Variants in TOP1 observed in about 807,000 individuals in gnomAD.
TOP1 encodes DNA topoisomerase 1.
In TOP1, 10 loss-of-function variants were observed where a neutral mutation model predicts 111.1. The observed-to-expected ratio is 0.09, with a 90% CI of 0.06 to 0.15. The LOEUF (loss-of-function observed/expected upper bound fraction) is 0.15. TOP1 is among the 10% of genes least tolerant of loss of function. TOP1 has a pLI of 1.00. For missense variants in TOP1, 474 were observed against 926.7 expected (o/e 0.51, Z 6.34); for synonymous variants, 271 against 302.9 (o/e 0.89, Z 1.10).
chr20:41,115,479 C>G lies in TOP1; in HGVS notation c.1707+40C>G, dbSNP rs1158905873. 6.7e-7 allele frequency: 1 copy of G among 1,503,056 alleles called. No homozygotes were observed. 93.1% of individuals were successfully genotyped at this position (1,503,056 alleles called of 1,614,324 possible). The stretch of plus-strand genomic sequence containing the variant: ...CACACAATGTTGAAGGGAGTCCCAG[C>G]CAGAGCCTCACAGTACCTAAAGGGG... On this transcript the variant is annotated intron_variant, in intron 16 of 20. Transcript: ENST00000361337. The surrounding 1 kb of genome is among the most constrained non-coding windows in gnomAD (Gnocchi z 6.3).
intron 2 of TOP1, among the ~76,000 whole-genome samples, chr20:41,033,915 A>G (rs2033152687): frequency 6.6e-6 from 1 of 152,160 alleles, no homozygotes; most frequent in South Asian, 2.1e-4. Flanking sequence ...ATGAATTCAA[A>G]TGTAATTAGT....
intron 2 of TOP1, among the ~76,000 whole-genome samples, chr20:41,059,281 C>T (rs982290506): frequency 3.2e-4 from 48 of 151,454 alleles, no homozygotes; most frequent in African/African-American, 1.1e-3. Flanking sequence ...CACGAGTTTA[C>T]CTATATAACA....
At chr20:41,051,243 A>G (rs2033401933) in intron 2 of TOP1, among the ~76,000 whole-genome samples, 1 of 152,220 alleles carries the variant, frequency 6.6e-6, no homozygotes, top group African/African-American at 2.4e-5. Flanking sequence ...GGAGGAGCCC[A>G]TCATATTATA....
Position 41,028,917 on chromosome 20 carries a change from C to T in TOP1, c.-151C>T. 1 of 622,228 alleles carries T rather than the reference C, an allele frequency of 1.6e-6. No individual in the cohort carries two copies. Among genetic ancestry groups the T allele is most frequent in the Non-Finnish European group, 2.8e-6 (1 of 362,272 alleles). 38.5% of individuals were successfully genotyped at this position (622,228 alleles called of 1,614,324 possible). A position where few individuals can be genotyped will look rare whatever the true frequency, so the allele number is the denominator to read the frequency against. Reference sequence around the variant, plus strand: ...GTCGCCGCCGTGGTAGCAGCCTCAGCCGTTTCTGGAGTCTCGGGCCCACAG... The same window carrying T: ...GTCGCCGCCGTGGTAGCAGCCTCAGTCGTTTCTGGAGTCTCGGGCCCACAG... On this transcript the variant is annotated 5_prime_UTR_variant, in exon 1 of 21. Coordinates refer to ENST00000361337, the MANE Select transcript of TOP1 (RefSeq NM_003286.4).
At chr20:41,035,547 G>T (rs766795580) in intron 2 of TOP1, among the ~76,000 whole-genome samples, 1 of 152,186 alleles carries the variant, frequency 6.6e-6, no homozygotes, top group Non-Finnish European at 1.5e-5. Flanking sequence ...GTTGGGAAAA[G>T]AATTTAACAG....
intron 2 of TOP1, among the ~76,000 whole-genome samples, chr20:41,049,650 G>C (rs2033378551): frequency 6.6e-6 from 1 of 152,112 alleles, no homozygotes; most frequent in Admixed American, 6.5e-5. Context: ...GGGATGGCGC[G>C]GTCAGGTGGG....
At chr20:41,068,845 C>T (rs2033638734) in intron 3 of TOP1, among the ~76,000 whole-genome samples, 1 of 152,134 alleles carries the variant, frequency 6.6e-6, no homozygotes, top group South Asian at 2.1e-4. Flanking sequence ...CTTGTATAAA[C>T]AGAATATTAT....
At chr20:41,064,881 G>T (rs536029172) in intron 3 of TOP1, among the ~76,000 whole-genome samples, 1 of 151,950 alleles carries the variant, frequency 6.6e-6, no homozygotes, top group South Asian at 2.1e-4. Context: ...TCTGGGGTGG[G>T]GCGGGGGGCT....
chr20:41,113,879 CAAAA>C (rs552197714), intron 14 of TOP1, 87 bp from the exon 15 acceptor site: 1,493 of 657,792 alleles, frequency 2.3e-3, no homozygotes, highest in Middle Eastern at 4.9e-3. Context: ...GAGACTGTCT[CAAAA>C]AAAAAAAAAA....
intron 13 of TOP1, among the ~76,000 whole-genome samples, chr20:41,111,766 A>C (rs1600599061): frequency 1.3e-5 from 2 of 152,182 alleles, no homozygotes; most frequent in Middle Eastern, 6.8e-3. Context: ...CGGGTGGGGA[A>C]ATTAAGAGCA....
chr20:41,120,405 T>C (rs2034403689), intron 18 of TOP1, among the ~76,000 whole-genome samples: 1 of 152,220 alleles, frequency 6.6e-6, no homozygotes, highest in South Asian at 2.1e-4. Flanking sequence ...CAGCCCAGTG[T>C]GTGTCAGACA....
chr20:41,103,138 TACC>T (rs1022581717), intron 13 of TOP1, among the ~76,000 whole-genome samples: 2 of 152,214 alleles, frequency 1.3e-5, no homozygotes, highest in African/African-American at 4.8e-5. Flanking sequence ...ATGCATATTT[TACC>T]ACAACTTAAA....
chr20:41,108,678 C>A (rs1309129042), intron 13 of TOP1, among the ~76,000 whole-genome samples: 3 of 152,190 alleles, frequency 2.0e-5, no homozygotes, highest in Admixed American at 2.0e-4. Context: ...TCCATTCTTT[C>A]TCTCCCACTC....
chr20:41,029,110 G>A lies in TOP1; in HGVS notation c.33+10G>A, dbSNP rs1360508783. 3 of 1,502,844 alleles carry A rather than the reference G, an allele frequency of 2.0e-6. No individual in the cohort carries two copies. Among genetic ancestry groups the A allele is most frequent in the Non-Finnish European group, 2.7e-6 (3 of 1,128,540 alleles). 93.1% of individuals were successfully genotyped at this position (1,502,844 alleles called of 1,614,324 possible). A position where few individuals can be genotyped will look rare whatever the true frequency, so the allele number is the denominator to read the frequency against. ...CCACAACGATTCCCAGGTACGGCCC[G>A]GCCTGACCCTGGCGGCCCCGGACCC... is the stretch of plus-strand genomic sequence containing the variant. On this transcript the variant is annotated intron_variant, in intron 1 of 20. Transcript: ENST00000361337. This position sits in a 1 kb window ranked among gnomAD's most constrained non-coding sequence, Gnocchi z 6.1.
In TOP1 at chr20:41,058,199, CAT is replaced by C. The variant is rs1568679281; in HGVS notation, c.59-3194_59-3193del. Among the ~76,000 whole-genome samples the C allele has an allele frequency of 1.3e-5, 2 of 152,242 alleles. No individual in the cohort carries two copies. The highest frequency in any genetic ancestry group is 2.4e-5 in the African/African-American group (1 of 41,468). On this transcript the variant is annotated intron_variant, in intron 2 of 20. Coordinates refer to ENST00000361337, the MANE Select transcript of TOP1 (RefSeq NM_003286.4). The surrounding 1 kb of genome is among the most constrained non-coding windows in gnomAD (Gnocchi z 4.2). ...AATAGATGCTCAGCAGATTATGACA[CAT>C]GTGGCTTCTTTTGCTGTGAGCCAGT...
intron 4 of TOP1, among the ~76,000 whole-genome samples, chr20:41,076,662 G>T (rs1490923142): frequency 1.3e-5 from 2 of 152,180 alleles, no homozygotes; most frequent in Admixed American, 6.5e-5. Context: ...GTGGCATTTG[G>T]TTCCAGCATA....
rs1012627573 is a variant in TOP1, at chr20:41,078,267, G to T, written c.335+630G>T. ...TACCTTTATAATTTTGTTTTCCTCAGCCTCAATTTCCTAAAATAAGCCCAG... is the reference window on the plus strand; with the variant it reads ...TACCTTTATAATTTTGTTTTCCTCATCCTCAATTTCCTAAAATAAGCCCAG... On this transcript the variant is annotated intron_variant, in intron 5 of 20. Transcript: ENST00000361337. This position sits in a 1 kb window ranked among gnomAD's most constrained non-coding sequence, Gnocchi z 5.3. Among the ~76,000 whole-genome samples the T allele has an allele frequency of 1.3e-5, 2 of 152,098 alleles. No homozygotes were observed. Among genetic ancestry groups the T allele is most frequent in the African/African-American group, 2.4e-5 (1 of 41,410 alleles).
intron 2 of TOP1, among the ~76,000 whole-genome samples, chr20:41,038,258 G>A (rs1336933237): frequency 6.6e-6 from 1 of 152,054 alleles, no homozygotes; most frequent in Non-Finnish European, 1.5e-5. Context: ...CTAGGTCTTT[G>A]AACAAGTTAA....
Position 41,078,241 on chromosome 20 carries a change from T to C in TOP1, c.335+604T>C, listed in dbSNP as rs1244807901. The stretch of plus-strand genomic sequence containing the variant: ...CTAGAGGTTACTTCCTATACTGTTT[T>C]TACCTTTATAATTTTGTTTTCCTCA... On this transcript the variant is annotated intron_variant, in intron 5 of 20. Coordinates refer to ENST00000361337, the MANE Select transcript of TOP1 (RefSeq NM_003286.4). This position sits in a 1 kb window ranked among gnomAD's most constrained non-coding sequence, Gnocchi z 5.3. 1.3e-5 allele frequency among the ~76,000 whole-genome samples: 2 copies of C among 152,168 alleles called. No homozygotes were observed. The highest frequency in any genetic ancestry group is 2.9e-5 in the Non-Finnish European group (2 of 68,026).
Sources: gnomAD v4.1 joint callset for allele counts (sites outside exome capture counted in the v4.1 genomes callset) on GRCh38, gnomAD v4.1.1 for gene constraint, Gnocchi (gnomAD v3.1) non-coding constraint, MANE v1.5 for transcripts, NCBI Gene and HGNC (gene_info 2026-07-23, HGNC 2026-07-21) for gene names.